The following DUSP3 variants were observed in gnomAD, a reference collection of about 807,000 sequenced individuals.
DUSP3 encodes dual specificity protein phosphatase 3.
Under a neutral mutation model 15.5 loss-of-function variants are expected in DUSP3, and 7 were observed. The ratio of observed to expected loss-of-function variants is 0.45; its 90% CI spans 0.26 to 0.85. The LOEUF (loss-of-function observed/expected upper bound fraction) is 0.85, where lower values mean the gene tolerates loss of function less well. DUSP3 is among the 40% of genes least tolerant of loss of function. DUSP3 has a pLI of 0.18. For synonymous variants in DUSP3, 86 were observed against 104.2 expected (o/e 0.83, Z 1.07); for missense variants, 209 against 251.7 (o/e 0.83, Z 1.15).
chr17:43,769,124 G>T lies in DUSP3; in HGVS notation c.*485C>A. On this transcript the variant is annotated 3_prime_UTR_variant, in exon 3 of 3. Coordinates refer to ENST00000226004, the MANE Select transcript of DUSP3 (RefSeq NM_004090.4). ...GCTGCCTATGCACAGGGTGTGGAAG[G>T]CTGTGGGGACAGTGCAGGGCACAGA... 6.4e-6 allele frequency: 1 copy of T among 156,946 alleles called. No homozygotes were observed. Among genetic ancestry groups the T allele is most frequent in the Non-Finnish European group, 1.4e-5 (1 of 71,158 alleles). The allele number at this position is 156,946 out of a possible 1,614,324, so 9.7% of individuals were successfully genotyped here.
intron 2 of DUSP3, among the ~76,000 whole-genome samples, chr17:43,770,766 C>CT (rs1003834183): frequency 4.3e-4 from 64 of 149,810 alleles, no homozygotes; most frequent in African/African-American, 4.9e-4. Flanking sequence ...TGTTTTGTTT[C>CT]TTTTTTTTTG....
intron 1 of DUSP3, among the ~76,000 whole-genome samples, chr17:43,776,906 A>G (rs1292708736): frequency 1.3e-5 from 2 of 152,192 alleles, no homozygotes; most frequent in Non-Finnish European, 2.9e-5. Flanking sequence ...GACACCGCGC[A>G]AGACTGTGAA....
rs767889272 is a variant in DUSP3, at chr17:43,778,946, G to T, written c.-22C>A. On this transcript the variant is annotated 5_prime_UTR_variant, in exon 1 of 3. Transcript: ENST00000226004. ...ACATGGCGGCGGCGGGGCCCTGCAC[G>T]CCCGGCAGGAGCAAGCGAGGCGGAG... 2 of 1,420,600 alleles carry T rather than the reference G, an allele frequency of 1.4e-6. No individual in the cohort carries two copies. Among genetic ancestry groups the T allele is most frequent in the African/African-American group, 1.5e-5 (1 of 67,432 alleles). 88.0% of individuals were successfully genotyped at this position (1,420,600 alleles called of 1,614,324 possible).
At chr17:43,776,510 C>A (rs1157489873) in intron 1 of DUSP3, among the ~76,000 whole-genome samples, 1 of 152,272 alleles carries the variant, frequency 6.6e-6, no homozygotes, top group East Asian at 1.9e-4. Context: ...GGCTCTGGCT[C>A]TGCCTTGTGA....
intron 2 of DUSP3, among the ~76,000 whole-genome samples, chr17:43,771,376 C>T (rs762803994): frequency 1.3e-5 from 2 of 152,112 alleles, no homozygotes; most frequent in African/African-American, 2.4e-5. Context: ...GTGGAACCCA[C>T]GGATATGGAG....
At chr17:43,777,264 T>C (rs571829517) in intron 1 of DUSP3, among the ~76,000 whole-genome samples, 45 of 152,320 alleles carry the variant, frequency 3.0e-4, no homozygotes, top group Admixed American at 5.2e-4. Context: ...TGAGCCATCG[T>C]GCCAGGCCTC....
chr17:43,773,478 A>G (rs1316663377), intron 2 of DUSP3, among the ~76,000 whole-genome samples: 1 of 152,044 alleles, frequency 6.6e-6, no homozygotes, highest in African/African-American at 2.4e-5. Flanking sequence ...GTTCTCCTTC[A>G]GTCTTATCTT....
intron 1 of DUSP3, among the ~76,000 whole-genome samples, chr17:43,775,395 CT>C (rs1325633074): frequency 6.6e-6 from 1 of 152,212 alleles, no homozygotes; most frequent in African/African-American, 2.4e-5. Flanking sequence ...TTTAACCTTT[CT>C]GTGCCTCAGT....
At chr17:43,771,791 C>T (rs1450968865) in intron 2 of DUSP3, among the ~76,000 whole-genome samples, 1 of 152,140 alleles carries the variant, frequency 6.6e-6, no homozygotes, top group African/African-American at 2.4e-5. Context: ...GGCGGATCCC[C>T]TGAAGTCAGG....
chr17:43,771,391 G>A (rs1247068124), intron 2 of DUSP3, among the ~76,000 whole-genome samples: 1 of 152,094 alleles, frequency 6.6e-6, no homozygotes, highest in Non-Finnish European at 1.5e-5. Context: ...ATGGAGGACC[G>A]ACTGTATATT....
In DUSP3 at chr17:43,769,580, A is replaced by G. The variant is rs1974285100; in HGVS notation, c.*29T>C. On this transcript the variant is annotated 3_prime_UTR_variant, in exon 3 of 3. Transcript: ENST00000226004. ...CCTTTGCCCACGGCCTCCCCCACGG[A>G]CCTCTCGAGCAGAGGTGGTGGGGGT... is the stretch of plus-strand genomic sequence containing the variant. The G allele has an allele frequency of 6.2e-7, 1 of 1,609,020 alleles. No individual in the cohort carries two copies. The highest frequency in any genetic ancestry group is 1.1e-5 in the South Asian group (1 of 90,902).
chr17:43,774,640 G>A, intron 2 of DUSP3, 72 bp downstream of exon 2: 1 of 1,513,572 alleles, frequency 6.6e-7, no homozygotes, highest in Non-Finnish European at 9.2e-7. Flanking sequence ...GAGACCTGTT[G>A]TGGGCCTGTT....
intron 2 of DUSP3, among the ~76,000 whole-genome samples, chr17:43,773,555 G>A (rs903469306): frequency 2.0e-5 from 3 of 152,186 alleles, no homozygotes; most frequent in Non-Finnish European, 2.9e-5. Flanking sequence ...GCTGTGGTTT[G>A]CTGACTGCCA....
chr17:43,778,486 A>G (rs1383802829), intron 1 of DUSP3: 2 of 229,402 alleles, frequency 8.7e-6, no homozygotes, highest in South Asian at 1.3e-4. Flanking sequence ...TTAAGTGAAC[A>G]TGGTAGCCCC....
At position 43,778,841 on chromosome 17, in the gene DUSP3, C is replaced by A; in HGVS notation, c.84G>T (p.Gln28His). 1 of 1,534,224 alleles carries A rather than the reference C, an allele frequency of 6.5e-7. No homozygotes were observed. The highest frequency in any genetic ancestry group is 1.2e-5 in the South Asian group (1 of 81,486). The change falls in exon 1 of 3, where the codon CAG (glutamine) becomes CAT (histidine). Residue 28 changes from glutamine (Q) to histidine (H), a missense_variant. Physicochemically the swap from Gln to His is conservative, Grantham distance 24 (BLOSUM62 0). Coordinates refer to ENST00000226004, the MANE Select transcript of DUSP3 (RefSeq NM_004090.4). The stretch of plus-strand genomic sequence containing the variant: ...TCCGCGGGGTGACCTCGTTGCAGGG[C>A]TGGCTCGGGAGGCTGTAGCAGCCGC... The part of the protein sequence containing the change: ...DGSGCYSLPS[Q>H]PCNEVTPRIY...
rs1598299036 is a variant in DUSP3, at chr17:43,766,963, T to A, written c.*2646A>T. ...GAAGGCTGTCCAGGAACAGCTCCCA[T>A]CCGCAGCTGGGCATGTGTTGGCTCT... On this transcript the variant is annotated 3_prime_UTR_variant, in exon 3 of 3. Coordinates refer to ENST00000226004, the MANE Select transcript of DUSP3 (RefSeq NM_004090.4). The A allele has an allele frequency of 6.6e-6, 1 of 152,312 alleles. No homozygotes were observed. Among genetic ancestry groups the A allele is most frequent in the African/African-American group, 2.4e-5 (1 of 41,438 alleles). 9.4% of individuals were successfully genotyped at this position (152,312 alleles called of 1,614,324 possible).
chr17:43,778,081 G>A (rs1974411702), intron 1 of DUSP3: 1 of 153,200 alleles, frequency 6.5e-6, no homozygotes, highest in Non-Finnish European at 1.5e-5. Flanking sequence ...CTTGAACCCA[G>A]GAGGCAGAGG....
At chr17:43,777,508 C>T (rs142145454) in intron 1 of DUSP3, 54 of 455,922 alleles carry the variant, frequency 1.2e-4, no homozygotes, top group Non-Finnish European at 1.9e-4. Flanking sequence ...CAGGTCATAG[C>T]GGAGGTCAGG....
At chr17:43,770,679 C>T (rs1195172955) in intron 2 of DUSP3, among the ~76,000 whole-genome samples, 1 of 150,914 alleles carries the variant, frequency 6.6e-6, no homozygotes, top group African/African-American at 2.4e-5. Flanking sequence ...AAGAAGCCCG[C>T]GTGGCAGAGG....
Sources: gnomAD v4.1 joint callset for allele counts (sites outside exome capture counted in the v4.1 genomes callset) on GRCh38, gnomAD v4.1.1 for gene constraint, MANE v1.5 for transcripts, NCBI Gene and HGNC (gene_info 2026-07-23, HGNC 2026-07-21) for gene names.